The following XCR1 variants were observed in gnomAD, a reference collection of about 807,000 sequenced individuals.
The protein encoded by XCR1 is chemokine XC receptor 1.
For missense variants in XCR1, 356 were observed against 424.2 expected (o/e 0.84, Z 1.41); for synonymous variants, 187 against 188.5 (o/e 0.99, Z 0.06).
chr3:46,080,606 C>T (rs1000931005), intron 1 of XCR1, among the ~76,000 whole-genome samples: 1 of 152,114 alleles, frequency 6.6e-6, no homozygotes, highest in Non-Finnish European at 1.5e-5. Flanking sequence ...GCCAAACAAA[C>T]AAACAAGAAC....
exon 5 of XCR1, among the ~76,000 whole-genome samples, chr3:46,053,985 C>T (rs941131737): frequency 3.3e-5 from 5 of 152,132 alleles, no homozygotes; most frequent in Non-Finnish European, 5.9e-5. Context: ...GTTTCAGTTC[C>T]TCTGCTCCAG....
chr3:46,021,821 G>T lies in XCR1; in HGVS notation c.127C>A (p.Leu43Ile), dbSNP rs1168271406. The T allele has an allele frequency of 6.2e-7, 1 of 1,614,126 alleles. No homozygotes were observed. The highest frequency in any genetic ancestry group is 1.7e-5 in the Admixed American group (1 of 60,024). The change falls in exon 2 of 2, where the codon CTC becomes ATC. Residue 43 changes from leucine to isoleucine, a missense_variant. Leu to Ile is a conservative substitution (Grantham distance 5). Coordinates refer to ENST00000309285, the MANE Select transcript of XCR1 (RefSeq NM_001024644.2). This position sits in a 1 kb window ranked among gnomAD's most constrained non-coding sequence, Gnocchi z 4.7. ...AGGCTGTTGCCCACTAGGCTGAGGA[G>T]AAACACCAGGCAGTATAGGACAGTG... is the stretch of plus-strand genomic sequence containing the variant. ...ATTVLYCLVF[L>I]LSLVGNSLVL... is the part of the protein sequence containing the mutation.
At position 46,018,860 on chromosome 3, in the gene XCR1, G is replaced by C. The variant is rs932796146; in HGVS notation, c.*2086C>G. 1 of 152,180 alleles carries C rather than the reference G, an allele frequency of 6.6e-6. No individual in the cohort carries two copies. The highest frequency in any genetic ancestry group is 2.4e-5 in the African/African-American group (1 of 41,436). The allele number at this position is 152,180 out of a possible 1,614,324, so 9.4% of individuals were successfully genotyped here. On this transcript the variant is annotated 3_prime_UTR_variant, in exon 2 of 2. Transcript: ENST00000309285. The stretch of plus-strand genomic sequence containing the variant: ...TCTGTGTGCAAATCCCTGCTCAAGG[G>C]ACTGTAGAAGACTCTGGACTCCTCA...
In XCR1 at chr3:46,053,902, G is replaced by C. The variant is rs113156674; in HGVS notation, c.-32+18C>G. ...CTACTTTAAGGCACTGCTCCCAGTAGCTCTTTAGGGCACTGACCATAATTA... is the reference window on the plus strand; with the variant it reads ...CTACTTTAAGGCACTGCTCCCAGTACCTCTTTAGGGCACTGACCATAATTA... On this transcript the variant is annotated intron_variant, in intron 5 of 5. Transcript: ENST00000683768. Among the ~76,000 whole-genome samples the C allele has an allele frequency of 2.7e-3, 414 of 151,242 alleles. 6 individuals are homozygous for C. Among genetic ancestry groups the C allele is most frequent in the African/African-American group, 8.3e-3 (340 of 40,814 alleles).
At position 46,021,327 on chromosome 3, in the gene XCR1, C is replaced by T. The variant is rs1009565330; in HGVS notation, c.621G>A (p.Glu207=). The change falls in exon 2 of 2, where the codon GAG becomes GAA. Residue 207 remains glutamate (E), a synonymous_variant. Coordinates refer to ENST00000309285, the MANE Select transcript of XCR1 (RefSeq NM_001024644.2). This position sits in a 1 kb window ranked among gnomAD's most constrained non-coding sequence, Gnocchi z 4.7. ...SLGIILFCYV[E]ILRTLFRSRS... ...GTGAGCGGAACAGGGTCCTGAGGAT[C>T]TCCACGTAGCAGAACAGGATAATCC... The T allele has an allele frequency of 1.2e-6, 2 of 1,614,082 alleles. No homozygotes were observed. Among genetic ancestry groups the T allele is most frequent in the African/African-American group, 1.3e-5 (1 of 74,916 alleles).
At chr3:46,037,464 T>C (rs987670781) in intron 5 of XCR1, among the ~76,000 whole-genome samples, 5 of 152,072 alleles carry the variant, frequency 3.3e-5, no homozygotes, top group African/African-American at 7.2e-5. Flanking sequence ...AGATCTTGTA[T>C]GGTGAATTTT....
chr3:46,073,692 T>C (rs1278125202), intron 3 of XCR1, among the ~76,000 whole-genome samples: 3 of 151,130 alleles, frequency 2.0e-5, no homozygotes, highest in Non-Finnish European at 2.9e-5. Flanking sequence ...AGGGGACTAA[T>C]ATCCAGAATT....
intron 5 of XCR1, among the ~76,000 whole-genome samples, chr3:46,035,365 C>A (rs1697406530): frequency 6.6e-6 from 1 of 152,210 alleles, no homozygotes; most frequent in African/African-American, 2.4e-5. Context: ...TCCTCAGTTG[C>A]AGCACCTGAT....
chr3:46,084,923 C>T (rs1422705683), intron 1 of XCR1, among the ~76,000 whole-genome samples: 1 of 152,128 alleles, frequency 6.6e-6, no homozygotes, highest in African/African-American at 2.4e-5. Flanking sequence ...AACAAATGTG[C>T]ATATGGTACC....
chr3:46,062,164 G>T (rs1697974940), intron 4 of XCR1, among the ~76,000 whole-genome samples: 1 of 152,158 alleles, frequency 6.6e-6, no homozygotes, highest in African/African-American at 2.4e-5. Flanking sequence ...GGAGAAAATA[G>T]ATGGTTTCTG....
intron 5 of XCR1, among the ~76,000 whole-genome samples, chr3:46,040,048 T>C (rs1240737710): frequency 6.6e-6 from 1 of 152,194 alleles, no homozygotes; most frequent in Non-Finnish European, 1.5e-5. Flanking sequence ...CATACAAAGG[T>C]AAAATATGGT....
Position 46,059,869 on chromosome 3 carries a change from A to T in XCR1, c.-182-5799T>A, listed in dbSNP as rs6766443. Among the ~76,000 whole-genome samples, 200 of 152,358 alleles carry T rather than the reference A, an allele frequency of 1.3e-3. 2 individuals are homozygous for T. The highest frequency in any genetic ancestry group is 4.5e-3 in the African/African-American group (188 of 41,590). ...TATCTATCTTTACAATAAGAAAGTC[A>T]TACTTTCTATTAACATGATACAACT... On this transcript the variant is annotated intron_variant, in intron 4 of 5. Coordinates refer to the XCR1 transcript ENST00000683768.
rs1439305888 is a variant in XCR1, at chr3:46,021,601, C to A, written c.347G>T (p.Ser116Ile). Residue 116 changes from serine to isoleucine, a missense_variant, in exon 2 of 2, where the codon AGC (serine) becomes ATC (isoleucine). Physicochemically the swap from Ser to Ile is moderately radical, Grantham distance 142. Transcript: ENST00000309285. This position sits in a 1 kb window ranked among gnomAD's most constrained non-coding sequence, Gnocchi z 4.7. ...NMIFSISLYS[S>I]IFFLTIMTIH... ...GGTCATGATGGTCAGGAAGAAGATG[C>A]TGCTGTAGAGGCTGATGGAGAAGAT... The A allele has an allele frequency of 6.2e-7, 1 of 1,612,768 alleles. No individual in the cohort carries two copies. Among genetic ancestry groups the A allele is most frequent in the Admixed American group, 1.7e-5 (1 of 59,802 alleles).
At position 46,020,869 on chromosome 3, in the gene XCR1, C is replaced by T; in HGVS notation, c.*77G>A. ...CACCCTGCTGTGTTCTGCAATGCTCCTTCCAGGCCCGCTTCTCCATGACCC... is the reference window on the plus strand; with the variant it reads ...CACCCTGCTGTGTTCTGCAATGCTCTTTCCAGGCCCGCTTCTCCATGACCC... On this transcript the variant is annotated 3_prime_UTR_variant, in exon 2 of 2. Transcript: ENST00000309285. 6.6e-7 allele frequency: 1 copy of T among 1,525,012 alleles called. No homozygotes were observed. Among genetic ancestry groups the T allele is most frequent in the Non-Finnish European group, 8.8e-7 (1 of 1,139,306 alleles). The allele number at this position is 1,525,012 out of a possible 1,614,324, so 94.5% of individuals were successfully genotyped here.
chr3:46,068,345 G>A (rs1698111548), intron 3 of XCR1, among the ~76,000 whole-genome samples: 1 of 152,142 alleles, frequency 6.6e-6, no homozygotes, highest in African/African-American at 2.4e-5. Context: ...GGGAGCAGCT[G>A]CTGGCATCTA....
chr3:46,041,332 G>T (rs1697533531), intron 5 of XCR1, among the ~76,000 whole-genome samples: 1 of 152,174 alleles, frequency 6.6e-6, no homozygotes, highest in African/African-American at 2.4e-5. Context: ...AATGATTCTT[G>T]TTGCACTTTG....
intron 1 of XCR1, 126 bp from the exon 2 acceptor site, chr3:46,022,104 A>C (rs1708168526): frequency 4.9e-6 from 4 of 809,180 alleles, no homozygotes; most frequent in Non-Finnish European, 7.6e-6. Context: ...GTTTGAGACC[A>C]TCCCAGGCAA....
chr3:46,073,321 G>T (rs1340393970), intron 3 of XCR1, among the ~76,000 whole-genome samples: 1 of 152,186 alleles, frequency 6.6e-6, no homozygotes, highest in Admixed American at 6.5e-5. Context: ...GATGCTGGGT[G>T]CAGTGGTTCA....
In XCR1 at chr3:46,022,059, A is replaced by T. The variant is rs1388844552; in HGVS notation, c.-31-81T>A. The T allele has an allele frequency of 3.7e-5, 46 of 1,238,704 alleles. No individual in the cohort carries two copies. In the South Asian group the frequency reaches 6.6e-4, roughly 18 times the overall value. The allele number at this position is 1,238,704 out of a possible 1,614,324, so 76.7% of individuals were successfully genotyped here. On this transcript the variant is annotated intron_variant, in intron 1 of 1. Transcript: ENST00000309285. Reference sequence around the variant, plus strand: ...AACACCTGTAATCCTAGCACTTTGGAAAGGCCAAAGGGAGAGGATTGCTTG... The same window carrying T: ...AACACCTGTAATCCTAGCACTTTGGTAAGGCCAAAGGGAGAGGATTGCTTG...
Sources: gnomAD v4.1 joint callset for allele counts (sites outside exome capture counted in the v4.1 genomes callset) on GRCh38, gnomAD v4.1.1 for gene constraint, Gnocchi (gnomAD v3.1) non-coding constraint, MANE v1.5 for transcripts, NCBI Gene and HGNC (gene_info 2026-07-23, HGNC 2026-07-21) for gene names.